MACF1: variants seen among roughly 807,000 people sequenced by gnomAD.
The protein encoded by MACF1 is microtubule actin crosslinking factor 1.
A neutral mutation model predicts 854.8 loss-of-function variants in MACF1; 193 were observed. The observed-to-expected ratio is 0.23, with a 90% confidence interval of 0.20 to 0.25. The LOEUF (loss-of-function observed/expected upper bound fraction) is 0.25. Ranked by LOEUF, MACF1 falls within the 10% of genes least tolerant of loss-of-function variation. The probability of loss-of-function intolerance (pLI) is 1.00; values close to 1 mark genes in which losing one functional copy is unlikely to be tolerated. For missense variants in MACF1, 7,722 were observed against 8,929.1 expected (o/e 0.86, Z 5.45); for synonymous variants, 3,185 against 3,226.7 (o/e 0.99, Z 0.44).
chr1:39,189,414 T>C (rs746746208), intron 2 of MACF1, among the ~76,000 whole-genome samples: 3 of 152,258 alleles, frequency 2.0e-5, no homozygotes, highest in Non-Finnish European at 4.4e-5. Flanking sequence ...CTGAGGTTTC[T>C]GAAAGGGAGC....
chr1:39,277,799 C>T (rs1409354870), intron 6 of MACF1, among the ~76,000 whole-genome samples: 1 of 152,126 alleles, frequency 6.6e-6, no homozygotes, highest in Non-Finnish European at 1.5e-5. Context: ...GAACTTGAGG[C>T]CTGAGGCTGT....
At chr1:39,191,420 G>A (rs1387782596) in intron 2 of MACF1, among the ~76,000 whole-genome samples, 2 of 152,136 alleles carry the variant, frequency 1.3e-5, no homozygotes, top group African/African-American at 4.8e-5. Flanking sequence ...ATGTCTGAAG[G>A]ATTAGATACT....
intron 68 of MACF1, 48 bp downstream of exon 68, chr1:39,433,203 G>T (rs1179211079): frequency 8.5e-7 from 1 of 1,170,932 alleles, no homozygotes; most frequent in East Asian, 2.4e-5. Flanking sequence ...TTTTATCATG[G>T]TGAATTAGAA....
chr1:39,395,812 T>TAA (rs1012057833), intron 58 of MACF1, among the ~76,000 whole-genome samples: 1 of 152,176 alleles, frequency 6.6e-6, no homozygotes, highest in East Asian at 1.9e-4. Flanking sequence ...TTAAGGCCTT[T>TAA]AAGTTTGCTT....
At chr1:39,320,949 C>A (rs1326910473) in intron 31 of MACF1, among the ~76,000 whole-genome samples, 1 of 152,144 alleles carries the variant, frequency 6.6e-6, no homozygotes, top group Admixed American at 6.6e-5. Flanking sequence ...ACCTGGGCAA[C>A]AGAGAAAGAC....
In MACF1 at chr1:39,322,657, A is replaced by G. The variant is rs921113594; in HGVS notation, c.4079A>G (p.Gln1360Arg). 1.2e-6 allele frequency: 2 copies of G among 1,614,196 alleles called. No individual in the cohort carries two copies. The highest frequency in any genetic ancestry group is 1.3e-5 in the African/African-American group (1 of 75,054). ...MTYKAFVESQ[Q>R]KSPGKRRRML... ...TACAAGGCCTTTGTGGAATCGCAGC[A>G]GAAATCCCCTGGCAAGCGCCGTCGC... The change falls in exon 32 of 101, where the codon CAG becomes CGG. Residue 1360 changes from glutamine to arginine, a missense_variant. Gln to Arg is a conservative substitution (Grantham distance 43, BLOSUM62 1). Around this residue, in one of 15 missense-constraint regions of MACF1, gnomAD observed 1,137 missense variants for 1,263.0 expected, o/e 0.90. Transcript: ENST00000564288.
rs1646772121 is a variant in MACF1 at position 39,334,088 on chromosome 1, G to C, written c.7500G>C (p.Lys2500Asn). 2 of 1,614,024 alleles carry C rather than the reference G, an allele frequency of 1.2e-6. No individual in the cohort carries two copies. Among genetic ancestry groups the C allele is most frequent in the African/African-American group, 2.7e-5 (2 of 74,912 alleles). The stretch of plus-strand genomic sequence containing the variant: ...AGGAGGCCGTTCGTTTGTTGACTAA[G>C]CAAGTGGTAGATGGAGGTATCATTC... Reference protein sequence around the residue: ...EREEAVRLLTKQVVDGGIIHH... With the variant: ...EREEAVRLLTNQVVDGGIIHH... Residue 2500 changes from lysine to asparagine, a missense_variant, in exon 37 of 101, where the codon AAG (lysine) becomes AAC (asparagine). Transcript: ENST00000564288.
intron 98 of MACF1, chr1:39,480,216 C>T: frequency 2.3e-6 from 1 of 433,566 alleles, no homozygotes; most frequent in Non-Finnish European, 4.3e-6. Flanking sequence ...TAAGATGACT[C>T]CAAAGGACAT....
intron 100 of MACF1, chr1:39,485,034 G>A: frequency 4.5e-6 from 2 of 442,396 alleles, no homozygotes; most frequent in South Asian, 2.9e-5. Flanking sequence ...CCAGTCCAGT[G>A]TTGGGATGAG....
At chr1:39,341,870 C>G (rs1646942443) in intron 40 of MACF1, among the ~76,000 whole-genome samples, 1 of 151,360 alleles carries the variant, frequency 6.6e-6, no homozygotes, top group African/African-American at 2.4e-5. Context: ...CGATCCAATC[C>G]TACGTGCACA....
chr1:39,171,808 A>G (rs1643953321), intron 2 of MACF1, among the ~76,000 whole-genome samples: 1 of 151,966 alleles, frequency 6.6e-6, no homozygotes, highest in South Asian at 2.1e-4. Context: ...TTGTATTTTT[A>G]GTAGAGACGG....
intron 58 of MACF1, chr1:39,412,662 G>A (rs373542703): frequency 5.6e-6 from 9 of 1,613,926 alleles, no homozygotes; most frequent in Non-Finnish European, 7.6e-6. Flanking sequence ...AGATGGAAAG[G>A]AGAGATTCAG....
intron 30 of MACF1, 127 bp downstream of exon 30, chr1:39,318,742 A>T: frequency 9.3e-7 from 1 of 1,073,516 alleles, no homozygotes; most frequent in Non-Finnish European, 1.3e-6. Flanking sequence ...CTTTTCTTTG[A>T]GTGGTTTGAG....
At chr1:39,346,773 C>A (rs577241655) in intron 40 of MACF1, among the ~76,000 whole-genome samples, 4 of 152,266 alleles carry the variant, frequency 2.6e-5, no homozygotes, top group Middle Eastern at 3.4e-3. Context: ...CCCACCTTGG[C>A]CTCCCAAAGT....
intron 48 of MACF1, 105 bp from the exon 49 acceptor site, chr1:39,361,255 C>T: frequency 1.8e-6 from 2 of 1,128,076 alleles, no homozygotes; most frequent in Admixed American, 2.4e-5. Context: ...GGCTCGGTTG[C>T]AGTCCTCCAG....
chr1:39,469,726 G>A (rs983528550), intron 97 of MACF1, 111 bp downstream of exon 97: 8 of 814,650 alleles, frequency 9.8e-6, no homozygotes, highest in Non-Finnish European at 1.6e-5. Flanking sequence ...ATTCATGAAT[G>A]CTTGAAATGG....
At chr1:39,424,441 G>A (rs1456339929) in intron 61 of MACF1, among the ~76,000 whole-genome samples, 1 of 152,262 alleles carries the variant, frequency 6.6e-6, no homozygotes, top group South Asian at 2.1e-4. Flanking sequence ...TTGTTCTGCT[G>A]TAGTATAATC....
chr1:39,430,715 A>G lies in MACF1; in HGVS notation c.17144A>G (p.Glu5715Gly). 6.2e-7 allele frequency: 1 copy of G among 1,611,982 alleles called. No homozygotes were observed. The highest frequency in any genetic ancestry group is 8.5e-7 in the Non-Finnish European group (1 of 1,179,880). The change falls in exon 66 of 101, where the codon GAG becomes GGG. Residue 5715 changes from glutamate to glycine, a missense_variant. By Grantham distance (98) the Glu-to-Gly change is moderately conservative. Coordinates refer to ENST00000564288, the MANE Select transcript of MACF1 (RefSeq NM_001394062.1). ...TTCCCTCCTTAGGAATTAAAGAAGG[A>G]GGTCATGGAGCACAGGCTGGTGTTG... ...FQQRQKELKK[E>G]VMEHRLVLDT... is the part of the protein sequence containing the mutation.
At chr1:39,343,746 C>G (rs1478708540) in intron 40 of MACF1, among the ~76,000 whole-genome samples, 1 of 152,128 alleles carries the variant, frequency 6.6e-6, no homozygotes, top group Non-Finnish European at 1.5e-5. Context: ...CCTCCTCAGG[C>G]GAAAGAATTT....
Sources: allele counts gnomAD v4.1 joint callset (sites outside exome capture counted in the v4.1 genomes callset), GRCh38; gene constraint gnomAD v4.1.1; regional missense constraint gnomAD v4.1.1; transcripts MANE v1.5; gene names NCBI Gene and HGNC (gene_info 2026-07-23, HGNC 2026-07-21).